IP6K1: variants seen among roughly 807,000 people sequenced by gnomAD.
IP6K1 encodes the protein inositol hexakisphosphate kinase 1, also known as ATP:1D-myo-inositol-hexakisphosphate phosphotransferase.
IP6K1 carries 13 observed loss-of-function variants against 38.3 expected under a neutral mutation model. That is an observed-to-expected ratio of 0.34 (90% CI 0.22 to 0.54). The LOEUF (loss-of-function observed/expected upper bound fraction) is 0.54, where lower values mean the gene tolerates loss of function less well. IP6K1 is among the 20% of genes least tolerant of loss of function. The probability of loss-of-function intolerance (pLI) is 0.92; values close to 1 mark genes in which losing one functional copy is unlikely to be tolerated. For missense variants in IP6K1, 397 were observed against 599.8 expected (o/e 0.66, Z 3.53); for synonymous variants, 212 against 229.9 (o/e 0.92, Z 0.70).
Position 49,732,836 on chromosome 3 carries a change from G to A in IP6K1, c.571C>T (p.Gln191Ter). The change falls in exon 4 of 6, where the codon CAG becomes TAG. Residue 191 changes from glutamine to a stop codon, truncating the protein, a stop_gained. Coordinates refer to ENST00000321599, the MANE Select transcript of IP6K1 (RefSeq NM_153273.4). LOFTEE classifies it high-confidence loss of function. ...NPWSLRCHKQ[Q>*]LSRMRSESKD... ...GACTCGGAGCGCATGCGGCTCAGCT[G>A]CTGCTTGTGACAACGCAGGCTCCAG... The A allele has an allele frequency of 6.2e-7, 1 of 1,614,066 alleles. No homozygotes were observed. The highest frequency in any genetic ancestry group is 8.5e-7 in the Non-Finnish European group (1 of 1,179,958).
chr3:49,732,273 T>C (rs148438645), intron 4 of IP6K1, among the ~76,000 whole-genome samples: 9 of 152,154 alleles, frequency 5.9e-5, no homozygotes, highest in African/African-American at 1.7e-4. Context: ...TATCATCAGA[T>C]AAAAATCTCA....
At chr3:49,732,634 G>A (rs1180352386) in intron 4 of IP6K1, among the ~76,000 whole-genome samples, 157 bp downstream of exon 4, 2 of 152,176 alleles carry the variant, frequency 1.3e-5, no homozygotes, top group African/African-American at 2.4e-5. Flanking sequence ...AAAAAAACAT[G>A]TTGATGAAAG....
chr3:49,772,308 T>A (rs951833884), intron 1 of IP6K1, among the ~76,000 whole-genome samples: 19 of 147,674 alleles, frequency 1.3e-4, no homozygotes, highest in African/African-American at 4.4e-4. Context: ...TTTAACTTAA[T>A]ATATTTTATA....
intron 4 of IP6K1, among the ~76,000 whole-genome samples, chr3:49,730,777 C>T (rs1045799532): frequency 1.3e-5 from 2 of 151,862 alleles, no homozygotes; most frequent in East Asian, 1.9e-4. Context: ...AGTGCAATGG[C>T]GCAATCTTGG....
At chr3:49,759,753 A>G (rs1002423753) in intron 1 of IP6K1, among the ~76,000 whole-genome samples, 3 of 152,250 alleles carry the variant, frequency 2.0e-5, no homozygotes, top group African/African-American at 7.2e-5. Flanking sequence ...CATGGAAATT[A>G]GTAGACTATG....
chr3:49,777,813 G>A (rs1389052266), intron 1 of IP6K1, among the ~76,000 whole-genome samples: 1 of 151,946 alleles, frequency 6.6e-6, no homozygotes, highest in African/African-American at 2.4e-5. Flanking sequence ...TACTCGGGAG[G>A]CGAAGGCAGG....
chr3:49,771,265 A>C (rs968817206), intron 1 of IP6K1, among the ~76,000 whole-genome samples: 1 of 150,514 alleles, frequency 6.6e-6, no homozygotes. Flanking sequence ...TGAGAGGATG[A>C]GGCAGAAGGA....
At chr3:49,765,877 T>TAA (rs927957417) in intron 1 of IP6K1, among the ~76,000 whole-genome samples, 2 of 143,274 alleles carry the variant, frequency 1.4e-5, no homozygotes, top group African/African-American at 2.6e-5. Context: ...ACCCCATATC[T>TAA]AAAAAAAAAA....
rs546020544 is a variant in IP6K1 at position 49,763,103 on chromosome 3, T to A, written c.-128-14935A>T. Among the ~76,000 whole-genome samples, 987 of 150,346 alleles carry A rather than the reference T, an allele frequency of 6.6e-3. 17 individuals carry two copies. Among genetic ancestry groups the A allele is most frequent in the African/African-American group, 0.023 (937 of 40,780 alleles). On this transcript the variant is annotated intron_variant, in intron 1 of 5. Transcript: ENST00000321599. The stretch of plus-strand genomic sequence containing the variant: ...CCATGCCTGGCCAAGGTCAATTATT[T>A]CTTTTTTTTTTTTTTTTTGAGACGG...
chr3:49,730,785 T>A (rs943850776), intron 4 of IP6K1, among the ~76,000 whole-genome samples: 4 of 152,100 alleles, frequency 2.6e-5, no homozygotes, highest in African/African-American at 9.7e-5. Flanking sequence ...GGCGCAATCT[T>A]GGCTCATCGC....
intron 3 of IP6K1, 51 bp from the exon 4 acceptor site, chr3:49,733,023 C>T (rs2080577588): frequency 7.0e-7 from 1 of 1,436,144 alleles, no homozygotes; most frequent in South Asian, 1.2e-5. Context: ...AAGTCATCCT[C>T]TGGGGTCCCG....
intron 1 of IP6K1, among the ~76,000 whole-genome samples, chr3:49,773,009 A>G (rs2080972855): frequency 6.6e-6 from 1 of 151,804 alleles, no homozygotes; most frequent in Non-Finnish European, 1.5e-5. Flanking sequence ...TTTTTGGTAG[A>G]TAAGCGGGCC....
intron 1 of IP6K1, among the ~76,000 whole-genome samples, chr3:49,773,333 G>T (rs1483872141): frequency 2.6e-5 from 4 of 152,116 alleles, no homozygotes; most frequent in Admixed American, 2.6e-4. Context: ...CATACTGGCC[G>T]GGCGCGGTGG....
At chr3:49,775,990 T>G (rs1013201485) in intron 1 of IP6K1, among the ~76,000 whole-genome samples, 4 of 151,338 alleles carry the variant, frequency 2.6e-5, no homozygotes, top group Admixed American at 2.0e-4. Flanking sequence ...GTGAAAAACA[T>G]GATCTTGCAG....
chr3:49,779,163 T>G (rs541966567), intron 1 of IP6K1, among the ~76,000 whole-genome samples: 4 of 152,214 alleles, frequency 2.6e-5, no homozygotes, highest in Non-Finnish European at 5.9e-5. Context: ...AAGCAATCAC[T>G]AATGTACTTT....
chr3:49,775,675 C>G (rs958976997), intron 1 of IP6K1: 6 of 509,730 alleles, frequency 1.2e-5, no homozygotes, highest in African/African-American at 2.0e-5. Context: ...GAAAAGATGC[C>G]TGCTACTCCC....
intron 4 of IP6K1, among the ~76,000 whole-genome samples, chr3:49,730,961 G>A (rs569206906): frequency 2.0e-5 from 3 of 151,990 alleles, no homozygotes; most frequent in Non-Finnish European, 4.4e-5. Context: ...TGCCGGCCTC[G>A]GCCTCCCAAA....
chr3:49,776,513 T>G (rs2081009921), intron 1 of IP6K1, among the ~76,000 whole-genome samples: 1 of 141,136 alleles, frequency 7.1e-6, no homozygotes, highest in African/African-American at 2.6e-5. Context: ...CAAGACTCAG[T>G]CTCAGTAAAA....
intron 1 of IP6K1, chr3:49,775,517 G>A (rs977665276): frequency 4.3e-6 from 4 of 940,720 alleles, no homozygotes; most frequent in African/African-American, 1.6e-5. Context: ...CCATCTAGGA[G>A]AAGGATAGAG....
Sources: gnomAD v4.1 joint callset for allele counts (sites outside exome capture counted in the v4.1 genomes callset) on GRCh38, gnomAD v4.1.1 for gene constraint, MANE v1.5 for transcripts, NCBI Gene and HGNC (gene_info 2026-07-23, HGNC 2026-07-21) for gene names.